BTBD9: variants seen among roughly 807,000 people sequenced by gnomAD.
BTBD9 encodes the protein BTB/POZ domain-containing protein 9.
BTBD9 carries 49 observed loss-of-function variants against 64.3 expected under a neutral mutation model. That is an observed-to-expected ratio of 0.76 (90% confidence interval 0.61 to 0.97). The LOEUF (loss-of-function observed/expected upper bound fraction) is 0.97. BTBD9 is among the 50% of genes least tolerant of loss of function. The probability of loss-of-function intolerance (pLI) is 0.00; values close to 1 mark genes in which losing one functional copy is unlikely to be tolerated. For missense variants in BTBD9, 598 were observed against 762.1 expected (o/e 0.78, Z 2.53); for synonymous variants, 260 against 274.7 (o/e 0.95, Z 0.53).
At chr6:38,282,948 C>CA (rs1349183994) in intron 8 of BTBD9, among the ~76,000 whole-genome samples, 46 of 152,204 alleles carry the variant, frequency 3.0e-4, no homozygotes, top group African/African-American at 9.9e-4. Flanking sequence ...ATGTCAGTTC[C>CA]ATGAGAGCAC....
chr6:38,440,506 G>C (rs987600858), intron 6 of BTBD9, among the ~76,000 whole-genome samples: 3 of 152,180 alleles, frequency 2.0e-5, no homozygotes, highest in Non-Finnish European at 4.4e-5. Context: ...GGTGTAAGAT[G>C]AGGGAAGGCC....
At chr6:38,378,112 C>T (rs901279254) in intron 6 of BTBD9, among the ~76,000 whole-genome samples, 1 of 152,098 alleles carries the variant, frequency 6.6e-6, no homozygotes, top group Non-Finnish European at 1.5e-5. Flanking sequence ...GGACGACTCT[C>T]GGGGAACCCT....
intron 9 of BTBD9, among the ~76,000 whole-genome samples, chr6:38,233,582 A>C (rs1763684176): frequency 6.6e-6 from 1 of 152,232 alleles, no homozygotes; most frequent in African/African-American, 2.4e-5. Flanking sequence ...CAGCCACTGC[A>C]CTATGACTGT....
intron 1 of BTBD9, among the ~76,000 whole-genome samples, chr6:38,613,454 T>G (rs910900308): frequency 1.3e-5 from 2 of 152,100 alleles, no homozygotes; most frequent in African/African-American, 4.8e-5. Flanking sequence ...AAACCCCGTC[T>G]CTACTAAAAA....
At chr6:38,429,415 A>T (rs1768337193) in intron 6 of BTBD9, among the ~76,000 whole-genome samples, 2 of 149,912 alleles carry the variant, frequency 1.3e-5, no homozygotes, top group Admixed American at 1.3e-4. Context: ...AGATCGCACC[A>T]TCGCACTCCA....
chr6:38,197,051 A>T (rs1375674446), intron 9 of BTBD9, among the ~76,000 whole-genome samples: 1 of 152,178 alleles, frequency 6.6e-6, no homozygotes, highest in African/African-American at 2.4e-5. Context: ...AATCATGGGG[A>T]TGTAGCTGGA....
At chr6:38,459,615 A>C (rs1171560915) in intron 6 of BTBD9, among the ~76,000 whole-genome samples, 1 of 152,180 alleles carries the variant, frequency 6.6e-6, no homozygotes, top group Non-Finnish European at 1.5e-5. Context: ...AGAATCCTTG[A>C]CCTATGGCAG....
intron 6 of BTBD9, among the ~76,000 whole-genome samples, chr6:38,560,063 A>G (rs1775203607): frequency 6.6e-6 from 1 of 152,212 alleles, no homozygotes; most frequent in Non-Finnish European, 1.5e-5. Flanking sequence ...ATAGCAACAA[A>G]AACTGACATG....
At chr6:38,489,586 T>C (rs1771606080) in intron 6 of BTBD9, among the ~76,000 whole-genome samples, 1 of 152,234 alleles carries the variant, frequency 6.6e-6, no homozygotes, top group African/African-American at 2.4e-5. Context: ...ATTGTGTGTA[T>C]GTATAATAAT....
At chr6:38,456,731 A>G (rs1454706807) in intron 6 of BTBD9, among the ~76,000 whole-genome samples, 1 of 152,100 alleles carries the variant, frequency 6.6e-6, no homozygotes, top group African/African-American at 2.4e-5. Context: ...TTAAGTTTTG[A>G]GAGTTCTTTA....
intron 6 of BTBD9, among the ~76,000 whole-genome samples, chr6:38,380,436 C>T (rs998035457): frequency 6.6e-5 from 10 of 152,156 alleles, no homozygotes; most frequent in African/African-American, 2.4e-4. Context: ...TATTGTCCCA[C>T]TTGTGGGTTA....
At chr6:38,531,674 A>G (rs1359620106) in intron 6 of BTBD9, among the ~76,000 whole-genome samples, 2 of 152,256 alleles carry the variant, frequency 1.3e-5, no homozygotes, top group African/African-American at 4.8e-5. Flanking sequence ...AAACAGAAAC[A>G]GCAAAAAGTT....
intron 7 of BTBD9, among the ~76,000 whole-genome samples, chr6:38,335,048 T>C (rs1410211905): frequency 1.3e-5 from 2 of 152,048 alleles, no homozygotes; most frequent in Non-Finnish European, 2.9e-5. Flanking sequence ...TGATATCTGA[T>C]GGTTTAAAAG....
At chr6:38,335,397 C>T (rs1365502978) in intron 7 of BTBD9, among the ~76,000 whole-genome samples, 5 of 151,870 alleles carry the variant, frequency 3.3e-5, no homozygotes, top group Non-Finnish European at 7.4e-5. Context: ...GAGCTACAGG[C>T]GTGCACCACC....
At chr6:38,410,983 C>T (rs773432026) in intron 6 of BTBD9, among the ~76,000 whole-genome samples, 6 of 152,294 alleles carry the variant, frequency 3.9e-5, no homozygotes, top group Non-Finnish European at 7.3e-5. Flanking sequence ...TCCTGTCCCA[C>T]ATTCTGATTG....
chr6:38,517,453 C>G (rs572586517), intron 6 of BTBD9, among the ~76,000 whole-genome samples: 1 of 152,254 alleles, frequency 6.6e-6, no homozygotes, highest in South Asian at 2.1e-4. Flanking sequence ...GCCTGGCCAC[C>G]TTCCCCTCTC....
At chr6:38,266,050 A>G (rs1159484723) in intron 8 of BTBD9, among the ~76,000 whole-genome samples, 1 of 152,226 alleles carries the variant, frequency 6.6e-6, no homozygotes, top group Non-Finnish European at 1.5e-5. Flanking sequence ...ATGTTTTTGC[A>G]TACATTATCA....
intron 9 of BTBD9, among the ~76,000 whole-genome samples, chr6:38,204,584 T>C (rs1383026715): frequency 6.6e-6 from 1 of 152,140 alleles, no homozygotes; most frequent in African/African-American, 2.4e-5. Context: ...ATTGGGTATG[T>C]GGTTTCTTTC....
chr6:38,286,509 T>C (rs1182623720), intron 8 of BTBD9, among the ~76,000 whole-genome samples: 1 of 152,102 alleles, frequency 6.6e-6, no homozygotes, highest in Non-Finnish European at 1.5e-5. Flanking sequence ...CATATACATA[T>C]ACACACACAT....
Sources: allele counts gnomAD v4.1 joint callset (sites outside exome capture counted in the v4.1 genomes callset), GRCh38; gene constraint gnomAD v4.1.1; transcripts MANE v1.5; gene names NCBI Gene and HGNC (gene_info 2026-07-23, HGNC 2026-07-21).